TRIM24: variants seen among roughly 807,000 people sequenced by gnomAD.
TRIM24 encodes tripartite motif containing 24, also known as transcription intermediary factor 1-alpha.
A neutral mutation model predicts 123.9 loss-of-function variants in TRIM24; 29 were observed. The observed-to-expected ratio is 0.23, with a 90% CI of 0.17 to 0.32. The LOEUF (loss-of-function observed/expected upper bound fraction) is 0.32, where lower values mean the gene tolerates loss of function less well. TRIM24 is among the 10% of genes least tolerant of loss of function. The pLI is 1.00. For missense variants in TRIM24, 932 were observed against 1,295.3 expected, an observed-to-expected ratio of 0.72 and a Z score of 4.31; for synonymous variants, 456 against 461.1, an observed-to-expected ratio of 0.99 and a Z score of 0.14.
At chr7:138,489,472 G>A (rs1316343707) in intron 1 of TRIM24, among the ~76,000 whole-genome samples, 2 of 152,156 alleles carry the variant, frequency 1.3e-5, no homozygotes, top group Non-Finnish European at 2.9e-5. Context: ...GCATGTTTTT[G>A]CAGTGGCTGG....
chr7:138,490,223 A>G (rs1050050905), intron 1 of TRIM24, among the ~76,000 whole-genome samples: 7 of 152,066 alleles, frequency 4.6e-5, no homozygotes, highest in Non-Finnish European at 1.0e-4. Flanking sequence ...GGTCTTCTCT[A>G]CACTGTTTAT....
chr7:138,561,253 A>G (rs1336109910), intron 9 of TRIM24, among the ~76,000 whole-genome samples: 2 of 152,056 alleles, frequency 1.3e-5, no homozygotes, highest in East Asian at 3.9e-4. Context: ...AGCCTGCCGG[A>G]CCCCTTCCAA....
intron 9 of TRIM24, among the ~76,000 whole-genome samples, chr7:138,558,272 T>C (rs1459814342): frequency 1.3e-5 from 2 of 152,156 alleles, no homozygotes; most frequent in Non-Finnish European, 2.9e-5. Context: ...ATAAAGTCTT[T>C]CCTGTTGTTT....
chr7:138,519,593 G>C (rs1025364302), intron 4 of TRIM24, among the ~76,000 whole-genome samples: 1 of 152,170 alleles, frequency 6.6e-6, no homozygotes, highest in African/African-American at 2.4e-5. Context: ...ACCCTCCCCA[G>C]TTGTGACAAC....
rs961563081 is a variant in TRIM24, at chr7:138,561,547, A to G, written c.1531-5934A>G. ...AACCGAGTGCAGTACCTGGATGGTC[A>G]GTTGCTGCCCTAGAGTCAGTTGGTC... On this transcript the variant is annotated intron_variant, in intron 9 of 18. Coordinates refer to ENST00000343526, the MANE Select transcript of TRIM24 (RefSeq NM_015905.3). 5.3e-5 allele frequency among the ~76,000 whole-genome samples: 8 copies of G among 152,194 alleles called. No individual in the cohort carries two copies. In the South Asian group the frequency reaches 8.3e-4, roughly 16 times the overall value.
rs776430384 is a variant in TRIM24, at chr7:138,580,550, G to C, written c.2586-12G>C. The C allele has an allele frequency of 6.2e-7, 1 of 1,606,972 alleles. No homozygotes were observed. On this transcript the variant is annotated splice_polypyrimidine_tract_variant and intron_variant, in intron 15 of 18. Coordinates refer to ENST00000343526, the MANE Select transcript of TRIM24 (RefSeq NM_015905.3). ...TGCATTAGGAATTCAAAAGTACATT[G>C]TCCCCTAACAGTGGAGAGTGGATTT...
At chr7:138,494,161 T>C (rs1001608396) in intron 1 of TRIM24, among the ~76,000 whole-genome samples, 2 of 151,978 alleles carry the variant, frequency 1.3e-5, no homozygotes, top group African/African-American at 4.8e-5. Flanking sequence ...TTTATATTTT[T>C]AGTAGAGATG....
chr7:138,506,387 A>G (rs1796151509), intron 2 of TRIM24, among the ~76,000 whole-genome samples: 1 of 152,220 alleles, frequency 6.6e-6, no homozygotes, highest in Non-Finnish European at 1.5e-5. Flanking sequence ...CTTCCATTGC[A>G]TCATGTCACT....
At chr7:138,536,226 A>T (rs1796870126) in intron 6 of TRIM24, among the ~76,000 whole-genome samples, 1 of 152,162 alleles carries the variant, frequency 6.6e-6, no homozygotes. Flanking sequence ...CATCAAGGTC[A>T]TTCTCTGTCC....
intron 1 of TRIM24, among the ~76,000 whole-genome samples, chr7:138,476,460 G>T (rs1004099438): frequency 3.9e-5 from 6 of 152,098 alleles, no homozygotes; most frequent in African/African-American, 1.2e-4. Flanking sequence ...GGGCATGGTG[G>T]CGTGCGCCTG....
Position 138,586,343 on chromosome 7 carries a change from A to G in TRIM24, c.*1392A>G, listed in dbSNP as rs28361932. ...GAATAAAAAGAGCTCACTTGAAAGA[A>G]GGCTATTATTTGCATTATATCACCT... On this transcript the variant is annotated 3_prime_UTR_variant, in exon 19 of 19. Coordinates refer to ENST00000343526, the MANE Select transcript of TRIM24 (RefSeq NM_015905.3). 2,753 of 154,930 alleles carry G rather than the reference A, an allele frequency of 0.018. 70 individuals are homozygous for G. The highest frequency in any genetic ancestry group is 0.062 in the African/African-American group (2,582 of 41,560). 9.6% of individuals were successfully genotyped at this position (154,930 alleles called of 1,614,324 possible). A position where few individuals can be genotyped will look rare whatever the true frequency, so the allele number is the denominator to read the frequency against.
chr7:138,489,965 C>T (rs565047031), intron 1 of TRIM24, among the ~76,000 whole-genome samples: 1 of 152,226 alleles, frequency 6.6e-6, no homozygotes, highest in Non-Finnish European at 1.5e-5. Context: ...TGGTTCCATT[C>T]TCCCCATCAC....
In TRIM24 at chr7:138,588,655, C is replaced by G. The variant is rs1053365335; in HGVS notation, c.*3704C>G. ...GGCAGAGGTTGCAGTGAGCTGAGAT[C>G]GCACCACTGTAGTCCAGCCTGGGTG... On this transcript the variant is annotated 3_prime_UTR_variant, in exon 19 of 19. Coordinates refer to ENST00000343526, the MANE Select transcript of TRIM24 (RefSeq NM_015905.3). 1 of 148,282 alleles carries G rather than the reference C, an allele frequency of 6.7e-6. No individual in the cohort carries two copies. Among genetic ancestry groups the G allele is most frequent in the African/African-American group, 2.5e-5 (1 of 39,774 alleles). 9.2% of individuals were successfully genotyped at this position (148,282 alleles called of 1,614,324 possible). A position where few individuals can be genotyped will look rare whatever the true frequency, so the allele number is the denominator to read the frequency against.
At chr7:138,549,798 G>A (rs1563056422) in intron 7 of TRIM24, among the ~76,000 whole-genome samples, 2 of 152,270 alleles carry the variant, frequency 1.3e-5, no homozygotes, top group Non-Finnish European at 1.5e-5. Flanking sequence ...TGGGAAAATT[G>A]GTGTTAACAG....
chr7:138,551,203 A>G (rs1306610462), intron 8 of TRIM24, 23 bp downstream of exon 8: 1 of 1,551,334 alleles, frequency 6.4e-7, no homozygotes, highest in Non-Finnish European at 8.9e-7. Flanking sequence ...CATTACATAC[A>G]TTTCTCAGTG....
rs144170997 is a variant in TRIM24 at position 138,579,488 on chromosome 7, A to T, written c.2541A>T (p.Val847=). 657 of 1,613,528 alleles carry T rather than the reference A, an allele frequency of 4.1e-4. 3 individuals carry two copies. In the African/African-American group the frequency reaches 7.8e-3, roughly 19 times the overall value. The change falls in exon 15 of 19, where the codon GTA becomes GTT. Residue 847 remains valine, a synonymous_variant. Coordinates refer to ENST00000343526, the MANE Select transcript of TRIM24 (RefSeq NM_015905.3). ...ELLCCEKCPK[V]FHLSCHVPTL... ...TCTGCTGTGAAAAGTGCCCCAAAGTATTCCATCTTTCTTGTCATGTGCCCA... is the reference window on the plus strand; with the variant it reads ...TCTGCTGTGAAAAGTGCCCCAAAGTTTTCCATCTTTCTTGTCATGTGCCCA...
At chr7:138,491,709 T>G (rs183127076) in intron 1 of TRIM24, among the ~76,000 whole-genome samples, 190 of 152,350 alleles carry the variant, frequency 1.2e-3, no homozygotes, top group Non-Finnish European at 1.6e-3. Flanking sequence ...GTAGAATGGC[T>G]GTTAGCTTTT....
chr7:138,489,214 A>G (rs1224736701), intron 1 of TRIM24, among the ~76,000 whole-genome samples: 2 of 152,000 alleles, frequency 1.3e-5, no homozygotes, highest in African/African-American at 4.8e-5. Context: ...ATCTTCCTCC[A>G]TCCCTTTATT....
At chr7:138,472,924 C>T (rs1296428421) in intron 1 of TRIM24, among the ~76,000 whole-genome samples, 1 of 152,146 alleles carries the variant, frequency 6.6e-6, no homozygotes, top group Admixed American at 6.5e-5. Flanking sequence ...TCAGGTTGAA[C>T]TCCTGGACTC....
Sources: allele counts gnomAD v4.1 joint callset (sites outside exome capture counted in the v4.1 genomes callset), GRCh38; gene constraint gnomAD v4.1.1; transcripts MANE v1.5; gene names NCBI Gene and HGNC (gene_info 2026-07-23, HGNC 2026-07-21).